The following CAMK1D variants were observed in gnomAD, a reference collection of about 807,000 sequenced individuals.
The protein encoded by CAMK1D is calcium/calmodulin dependent protein kinase ID.
A neutral mutation model predicts 47.7 loss-of-function variants in CAMK1D; 9 were observed. The ratio of observed to expected loss-of-function variants is 0.19; its 90% CI spans 0.11 to 0.33. The LOEUF is 0.33. Among genes scored for constraint, CAMK1D ranks in the 10% least tolerant of loss-of-function variants. The probability of loss-of-function intolerance (pLI) is 1.00; values close to 1 mark genes in which losing one functional copy is unlikely to be tolerated. For synonymous variants in CAMK1D, 184 were observed against 184.9 expected (o/e 0.99, Z 0.04); for missense variants, 291 against 488.7 (o/e 0.60, Z 3.81).
At chr10:12,547,341 G>GA (rs1335965193) in intron 1 of CAMK1D, among the ~76,000 whole-genome samples, 1 of 152,222 alleles carries the variant, frequency 6.6e-6, no homozygotes, top group Non-Finnish European at 1.5e-5. Flanking sequence ...CGACTGCAGA[G>GA]AGAAGAGTGG....
intron 1 of CAMK1D, among the ~76,000 whole-genome samples, chr10:12,359,249 C>T (rs1179084500): frequency 2.6e-5 from 4 of 152,110 alleles, no homozygotes; most frequent in South Asian, 2.1e-4. Context: ...TGAGGGTGCA[C>T]GGGAACCACT....
chr10:12,792,752 G>C (rs1489248914), intron 6 of CAMK1D, among the ~76,000 whole-genome samples: 2 of 152,166 alleles, frequency 1.3e-5, no homozygotes, highest in Non-Finnish European at 2.9e-5. Context: ...CATATACTTG[G>C]CCTAAAGGAC....
intron 2 of CAMK1D, among the ~76,000 whole-genome samples, chr10:12,642,075 C>T (rs185194134): frequency 1.1e-4 from 16 of 151,236 alleles, no homozygotes; most frequent in African/African-American, 3.4e-4. Flanking sequence ...AAGAAAAGGC[C>T]GCAGGCTTTT....
intron 1 of CAMK1D, among the ~76,000 whole-genome samples, chr10:12,488,069 C>G (rs1170349531): frequency 1.3e-5 from 2 of 152,198 alleles, no homozygotes; most frequent in Non-Finnish European, 2.9e-5. Flanking sequence ...ATCATTCCCT[C>G]TAATTCTCCC....
At chr10:12,659,260 C>A (rs1158631361) in intron 2 of CAMK1D, among the ~76,000 whole-genome samples, 1 of 152,290 alleles carries the variant, frequency 6.6e-6, no homozygotes, top group Non-Finnish European at 1.5e-5. Context: ...CTACAGGGAG[C>A]CAGTGCTGGA....
At chr10:12,427,678 T>C (rs1474650355) in intron 1 of CAMK1D, among the ~76,000 whole-genome samples, 1 of 145,904 alleles carries the variant, frequency 6.9e-6, no homozygotes, top group African/African-American at 2.5e-5. Flanking sequence ...GGAGATACTT[T>C]CCTGGCTTCA....
At chr10:12,564,015 T>C (rs1008626446) in intron 2 of CAMK1D, among the ~76,000 whole-genome samples, 3 of 152,110 alleles carry the variant, frequency 2.0e-5, no homozygotes, top group African/African-American at 7.2e-5. Flanking sequence ...GTAAACTTAC[T>C]TAGCTAATGA....
intron 10 of CAMK1D, 98 bp downstream of exon 10, chr10:12,825,788 C>T (rs1385462701): frequency 1.3e-6 from 2 of 1,583,052 alleles, no homozygotes; most frequent in East Asian, 4.5e-5. Flanking sequence ...CTCCTGTTTG[C>T]CAGGCGCTTT....
chr10:12,654,896 G>A (rs999067702), intron 2 of CAMK1D, among the ~76,000 whole-genome samples: 66 of 152,294 alleles, frequency 4.3e-4, no homozygotes, highest in Non-Finnish European at 6.0e-4. Context: ...TTGGCTGCAC[G>A]TTTGAATCAC....
intron 1 of CAMK1D, among the ~76,000 whole-genome samples, chr10:12,394,012 C>T (rs1413308027): frequency 6.6e-6 from 1 of 152,228 alleles, no homozygotes; most frequent in Non-Finnish European, 1.5e-5. Flanking sequence ...CCGACACCCC[C>T]TCCGCTTCAG....
intron 2 of CAMK1D, among the ~76,000 whole-genome samples, chr10:12,661,305 G>C (rs2132537166): frequency 6.6e-6 from 1 of 152,334 alleles, no homozygotes; most frequent in East Asian, 1.9e-4. Context: ...CTCTTGGATA[G>C]TCTCATAACT....
chr10:12,371,562 C>T (rs1216677423), intron 1 of CAMK1D, among the ~76,000 whole-genome samples: 2 of 137,506 alleles, frequency 1.5e-5, no homozygotes, highest in East Asian at 2.2e-4. Context: ...GGTGACAGAG[C>T]GAGACTGTCC....
intron 2 of CAMK1D, among the ~76,000 whole-genome samples, chr10:12,579,651 C>T (rs1263330601): frequency 6.6e-6 from 1 of 152,118 alleles, no homozygotes; most frequent in Non-Finnish European, 1.5e-5. Flanking sequence ...CTTTTCTTTC[C>T]CTACCTGTCA....
At chr10:12,523,931 C>T (rs111646515) in intron 1 of CAMK1D, among the ~76,000 whole-genome samples, 409 of 152,026 alleles carry the variant, frequency 2.7e-3, no homozygotes, top group African/African-American at 9.5e-3. Flanking sequence ...GATGGAGTCT[C>T]GCTCTGTTGC....
chr10:12,824,229 C>T (rs944914280), intron 8 of CAMK1D, among the ~76,000 whole-genome samples: 5 of 151,930 alleles, frequency 3.3e-5, no homozygotes, highest in African/African-American at 1.2e-4. Context: ...GCTGGCGGGT[C>T]TGGGGAGGGT....
intron 1 of CAMK1D, among the ~76,000 whole-genome samples, chr10:12,485,558 T>A (rs1834189835): frequency 1.3e-5 from 2 of 152,160 alleles, no homozygotes; most frequent in Admixed American, 1.3e-4. Context: ...GCAGAGGCAC[T>A]GCTCGTTGGG....
intron 2 of CAMK1D, among the ~76,000 whole-genome samples, chr10:12,564,844 C>G (rs1327860084): frequency 6.6e-6 from 1 of 152,104 alleles, no homozygotes; most frequent in Non-Finnish European, 1.5e-5. Flanking sequence ...GAACTGATGA[C>G]CTAAGTATAC....
chr10:12,632,015 G>A (rs968358398), intron 2 of CAMK1D, among the ~76,000 whole-genome samples: 3 of 152,270 alleles, frequency 2.0e-5, no homozygotes, highest in Non-Finnish European at 4.4e-5. Context: ...CACACCGTGC[G>A]AAGGCTGGTG....
intron 1 of CAMK1D, among the ~76,000 whole-genome samples, chr10:12,392,293 C>T (rs1838764223): frequency 6.6e-6 from 1 of 152,110 alleles, no homozygotes; most frequent in African/African-American, 2.4e-5. Context: ...TACAGCAAGA[C>T]TCTGTCTCAA....
Sources: gnomAD v4.1 joint callset for allele counts (sites outside exome capture counted in the v4.1 genomes callset) on GRCh38, gnomAD v4.1.1 for gene constraint, MANE v1.5 for transcripts, NCBI Gene and HGNC (gene_info 2026-07-23, HGNC 2026-07-21) for gene names.